The following FAR2 variants were observed in gnomAD, a reference collection of about 807,000 sequenced individuals.
FAR2 encodes the protein epididymis secretory protein Li 81.
In FAR2, 19 loss-of-function variants were observed where a neutral mutation model predicts 56.0. The ratio of observed to expected loss-of-function variants is 0.34; its 90% CI spans 0.24 to 0.50. FAR2 has a LOEUF of 0.50. FAR2 is among the 20% of genes least tolerant of loss of function. The pLI, the probability that FAR2 is intolerant of heterozygous loss-of-function variation, is 0.98. For missense variants in FAR2, 508 were observed against 642.2 expected (o/e 0.79, Z 2.26); for synonymous variants, 219 against 218.8 (o/e 1.00, Z -0.01).
intron 1 of FAR2, among the ~76,000 whole-genome samples, chr12:29,190,784 C>T (rs1052641139): frequency 2.6e-5 from 3 of 113,476 alleles, no homozygotes; most frequent in African/African-American, 8.0e-5. Flanking sequence ...TGGTTTTTAT[C>T]TGAGATGTCC....
At chr12:29,272,611 A>G (rs536979855) in intron 2 of FAR2, among the ~76,000 whole-genome samples, 1 of 152,222 alleles carries the variant, frequency 6.6e-6, no homozygotes, top group African/African-American at 2.4e-5. Flanking sequence ...TATATTACTC[A>G]TCTTCTGAAG....
intron 1 of FAR2, among the ~76,000 whole-genome samples, chr12:29,210,781 G>A (rs1042695061): frequency 2.6e-5 from 4 of 152,058 alleles, no homozygotes; most frequent in Admixed American, 6.6e-5. Flanking sequence ...CTGGAACCCC[G>A]TCTCTACTAA....
chr12:29,215,144 T>C (rs938431108), intron 1 of FAR2, among the ~76,000 whole-genome samples: 3 of 152,208 alleles, frequency 2.0e-5, no homozygotes, highest in African/African-American at 7.2e-5. Flanking sequence ...AATGGATATG[T>C]AATGAGAGAC....
chr12:29,182,662 A>G (rs976164595), intron 1 of FAR2, among the ~76,000 whole-genome samples: 2 of 152,024 alleles, frequency 1.3e-5, no homozygotes, highest in Non-Finnish European at 1.5e-5. Flanking sequence ...AAATGTAAGT[A>G]TGTGCCTGGA....
chr12:29,227,793 T>C (rs1307444945), intron 1 of FAR2, among the ~76,000 whole-genome samples: 3 of 152,032 alleles, frequency 2.0e-5, no homozygotes, highest in Admixed American at 6.6e-5. Context: ...CTTAGGGTAA[T>C]TAAAGCCTTC....
intron 1 of FAR2, among the ~76,000 whole-genome samples, chr12:29,162,042 C>T (rs1189669843): frequency 1.3e-5 from 2 of 152,102 alleles, no homozygotes; most frequent in African/African-American, 4.8e-5. Flanking sequence ...TAGATATGTG[C>T]TTTGTCAATG....
chr12:29,281,757 A>G (rs1948788125), intron 2 of FAR2, among the ~76,000 whole-genome samples: 1 of 147,126 alleles, frequency 6.8e-6, no homozygotes, highest in African/African-American at 2.5e-5. Context: ...AAAAAAAAAA[A>G]CTGGAATGCA....
chr12:29,312,449 C>T (rs1949369348), intron 8 of FAR2, among the ~76,000 whole-genome samples: 1 of 152,098 alleles, frequency 6.6e-6, no homozygotes, highest in Non-Finnish European at 1.5e-5. Flanking sequence ...ATAACCACTC[C>T]ACTAGCGATT....
At chr12:29,180,442 C>G (rs1050173252) in intron 1 of FAR2, among the ~76,000 whole-genome samples, 2 of 152,116 alleles carry the variant, frequency 1.3e-5, no homozygotes, top group African/African-American at 4.8e-5. Context: ...CCAAACTGCC[C>G]TCTCCCAATG....
At chr12:29,262,455 A>G (rs1319766287) in intron 1 of FAR2, among the ~76,000 whole-genome samples, 2 of 151,856 alleles carry the variant, frequency 1.3e-5, no homozygotes, top group Non-Finnish European at 2.9e-5. Context: ...ACATAGATAA[A>G]CCCCGTTTCT....
chr12:29,248,606 A>C (rs571523627), intron 1 of FAR2, among the ~76,000 whole-genome samples: 1 of 152,356 alleles, frequency 6.6e-6, no homozygotes, highest in African/African-American at 2.4e-5. Flanking sequence ...TTCGGGCACC[A>C]TTGTCATTGA....
intron 1 of FAR2, among the ~76,000 whole-genome samples, chr12:29,194,442 G>C (rs887874618): frequency 2.0e-5 from 3 of 151,626 alleles, no homozygotes; most frequent in African/African-American, 7.3e-5. Flanking sequence ...AGATCATGTT[G>C]ACTGGGTATT....
At chr12:29,210,956 A>AAC in intron 1 of FAR2, among the ~76,000 whole-genome samples, 1 of 148,744 alleles carries the variant, frequency 6.7e-6, no homozygotes, top group South Asian at 2.2e-4. Context: ...CAAAAAAAAA[A>AAC]CTATATCATT....
At chr12:29,285,163 T>C (rs1002104776) in intron 2 of FAR2, among the ~76,000 whole-genome samples, 5 of 152,104 alleles carry the variant, frequency 3.3e-5, no homozygotes, top group Non-Finnish European at 7.3e-5. Flanking sequence ...AGTTTCTTGT[T>C]AATTTTCAGA....
chr12:29,154,929 A>G (rs936970279), intron 1 of FAR2, among the ~76,000 whole-genome samples: 1 of 152,190 alleles, frequency 6.6e-6, no homozygotes, highest in Non-Finnish European at 1.5e-5. Flanking sequence ...AAACCTTTTA[A>G]CATCTACAGT....
chr12:29,149,665 C>A (rs564873916), intron 1 of FAR2, among the ~76,000 whole-genome samples: 1 of 152,342 alleles, frequency 6.6e-6, no homozygotes, highest in South Asian at 2.1e-4. Context: ...CGGCGGAGCC[C>A]GCCAAGGTGG....
intron 1 of FAR2, among the ~76,000 whole-genome samples, chr12:29,262,577 C>A (rs535133368): frequency 1.1e-4 from 17 of 152,220 alleles, no homozygotes; most frequent in Non-Finnish European, 2.2e-4. Flanking sequence ...TTGTGGTGAG[C>A]CAAGATTGTG....
intron 1 of FAR2, among the ~76,000 whole-genome samples, chr12:29,258,483 A>T (rs1304102547): frequency 6.6e-6 from 1 of 152,238 alleles, no homozygotes; most frequent in Non-Finnish European, 1.5e-5. Flanking sequence ...TTATTGAAAG[A>T]ATTTCAATGT....
At chr12:29,290,471 C>T (rs1025826694) in intron 2 of FAR2, among the ~76,000 whole-genome samples, 31 of 151,736 alleles carry the variant, frequency 2.0e-4, no homozygotes, top group Middle Eastern at 3.2e-3. Context: ...GAAAGAAATA[C>T]CATATGATCC....
Sources: allele counts gnomAD v4.1 joint callset (sites outside exome capture counted in the v4.1 genomes callset), GRCh38; gene constraint gnomAD v4.1.1; transcripts MANE v1.5; gene names NCBI Gene and HGNC (gene_info 2026-07-23, HGNC 2026-07-21).